The following GRM7 variants were observed in gnomAD, a reference collection of about 807,000 sequenced individuals.
The protein encoded by GRM7 is glutamate metabotropic receptor 7, also known as metabotropic glutamate receptor 7.
GRM7 carries 35 observed loss-of-function variants against 84.5 expected under a neutral mutation model. The observed-to-expected ratio is 0.41, with a 90% CI of 0.32 to 0.55. The LOEUF (loss-of-function observed/expected upper bound fraction) is 0.55, where lower values mean the gene tolerates loss of function less well. GRM7 is among the 20% of genes least tolerant of loss of function. The pLI, the probability that GRM7 is intolerant of heterozygous loss-of-function variation, is 0.19. For synonymous variants in GRM7, 487 were observed against 455.1 expected, an observed-to-expected ratio of 1.07 and a Z score of -0.89; for missense variants, 1,003 against 1,194.6, an observed-to-expected ratio of 0.84 and a Z score of 2.36.
intron 8 of GRM7, among the ~76,000 whole-genome samples, chr3:7,660,446 A>G (rs1396700597): frequency 6.6e-6 from 1 of 152,236 alleles, no homozygotes; most frequent in Non-Finnish European, 1.5e-5. Flanking sequence ...GAAACAACAA[A>G]ATATTATAGA....
rs189848304 is a variant in GRM7, at chr3:7,307,349, C to T, written c.1033+697C>T. Reference sequence around the variant, plus strand: ...AAGAAAAGTTGTTTCTAAAAGAAGACGCTGTGTAAAAGGAGCTTCTCTGCT... The same window carrying T: ...AAGAAAAGTTGTTTCTAAAAGAAGATGCTGTGTAAAAGGAGCTTCTCTGCT... On this transcript the variant is annotated intron_variant, in intron 4 of 9. Transcript: ENST00000357716. Among the ~76,000 whole-genome samples, 153 of 103,754 alleles carry T rather than the reference C, an allele frequency of 1.5e-3. 3 individuals carry two copies. Among genetic ancestry groups the T allele is most frequent in the African/African-American group, 4.3e-3 (145 of 33,448 alleles). The allele number at this position is 103,754 out of a possible 152,430, so 68.1% of individuals were successfully genotyped here.
intron 1 of GRM7, among the ~76,000 whole-genome samples, chr3:6,909,855 T>C (rs1218756590): frequency 6.6e-6 from 1 of 152,094 alleles, no homozygotes; most frequent in Admixed American, 6.6e-5. Context: ...TAAATTTTTA[T>C]GTAAAAATTT....
At chr3:7,423,979 A>G (rs1362096781) in intron 5 of GRM7, among the ~76,000 whole-genome samples, 1 of 152,138 alleles carries the variant, frequency 6.6e-6, no homozygotes, top group Non-Finnish European at 1.5e-5. Flanking sequence ...CACAATATTC[A>G]AGCTGCCTGC....
At chr3:7,577,287 C>T (rs2125051493) in intron 7 of GRM7, among the ~76,000 whole-genome samples, 1 of 152,228 alleles carries the variant, frequency 6.6e-6, no homozygotes, top group Non-Finnish European at 1.5e-5. Context: ...TCAGGGCACA[C>T]CTCAGATCCA....
chr3:7,113,558 A>G (rs1211340502), intron 1 of GRM7, among the ~76,000 whole-genome samples: 1 of 152,134 alleles, frequency 6.6e-6, no homozygotes, highest in Non-Finnish European at 1.5e-5. Context: ...ACAATGACAC[A>G]TCACCATCAC....
intron 7 of GRM7, among the ~76,000 whole-genome samples, chr3:7,488,745 T>C (rs190343063): frequency 6.6e-6 from 1 of 152,336 alleles, no homozygotes. Flanking sequence ...TATTACAACA[T>C]TAAGCTGACT....
rs540175871 is a variant in GRM7 at position 6,914,127 on chromosome 3, G to C, written c.519+52220G>C. ...GAAAATTCCTTCATGTTATTCACAG[G>C]ACTGAATCCTCCTTTGCCTTCAAGT... On this transcript the variant is annotated intron_variant, in intron 1 of 9. Coordinates refer to ENST00000357716, the MANE Select transcript of GRM7 (RefSeq NM_000844.4). Among the ~76,000 whole-genome samples the C allele has an allele frequency of 3.9e-4, 59 of 152,128 alleles. No individual in the cohort carries two copies. In the South Asian group the frequency reaches 0.01, roughly 27 times the overall value.
intron 8 of GRM7, among the ~76,000 whole-genome samples, chr3:7,595,828 A>G (rs1272435307): frequency 2.0e-5 from 3 of 152,154 alleles, no homozygotes; most frequent in Admixed American, 6.5e-5. Flanking sequence ...CAGGCAGGAA[A>G]GAGTCCAGGA....
At chr3:7,306,199 T>C (rs1434178273) in intron 3 of GRM7, among the ~76,000 whole-genome samples, 2 of 152,212 alleles carry the variant, frequency 1.3e-5, no homozygotes, top group Non-Finnish European at 2.9e-5. Flanking sequence ...CTTTGTCTAA[T>C]TTGCACTTCC....
At chr3:7,511,848 A>G (rs1700221608) in intron 7 of GRM7, among the ~76,000 whole-genome samples, 3 of 152,216 alleles carry the variant, frequency 2.0e-5, no homozygotes, top group Non-Finnish European at 4.4e-5. Flanking sequence ...AAAATTAAAA[A>G]TGACCATTTA....
At chr3:7,409,492 G>T (rs1165874113) in intron 4 of GRM7, among the ~76,000 whole-genome samples, 1 of 152,092 alleles carries the variant, frequency 6.6e-6, no homozygotes, top group African/African-American at 2.4e-5. Context: ...TCTCTAAGTG[G>T]TTATTGTTTG....
At chr3:7,189,885 C>T (rs533404458) in intron 2 of GRM7, among the ~76,000 whole-genome samples, 3 of 152,118 alleles carry the variant, frequency 2.0e-5, no homozygotes, top group South Asian at 2.1e-4. Context: ...AATGACTAAA[C>T]GTTGCCTCTT....
chr3:7,034,547 G>A (rs981637254), intron 1 of GRM7, among the ~76,000 whole-genome samples: 18 of 152,038 alleles, frequency 1.2e-4, no homozygotes, highest in Admixed American at 2.0e-4. Context: ...ATACATATAC[G>A]TACACACATA....
intron 8 of GRM7, among the ~76,000 whole-genome samples, chr3:7,581,259 A>G (rs1200317140): frequency 1.3e-5 from 2 of 152,170 alleles, no homozygotes; most frequent in Non-Finnish European, 2.9e-5. Flanking sequence ...CAGGAATTGA[A>G]TTCTAGTTGT....
At chr3:6,968,178 T>A (rs1047733071) in intron 1 of GRM7, among the ~76,000 whole-genome samples, 1 of 152,198 alleles carries the variant, frequency 6.6e-6, no homozygotes, top group Admixed American at 6.5e-5. Context: ...ATCTGTTTCA[T>A]GCATATCTCT....
At chr3:7,087,815 T>C (rs1164074681) in intron 1 of GRM7, among the ~76,000 whole-genome samples, 1 of 152,152 alleles carries the variant, frequency 6.6e-6, no homozygotes, top group Non-Finnish European at 1.5e-5. Flanking sequence ...ATCTCAAAGG[T>C]AGTGAGAATT....
At chr3:7,206,110 G>C (rs1012237585) in intron 2 of GRM7, among the ~76,000 whole-genome samples, 5 of 152,168 alleles carry the variant, frequency 3.3e-5, no homozygotes, top group Admixed American at 1.3e-4. Flanking sequence ...AATGCATTTG[G>C]TTCTATGTTC....
intron 2 of GRM7, among the ~76,000 whole-genome samples, chr3:7,294,154 G>A (rs1023965629): frequency 2.5e-4 from 38 of 152,224 alleles, no homozygotes; most frequent in Middle Eastern, 3.4e-3. Flanking sequence ...CCACACATCC[G>A]TTCCCCTAGT....
At chr3:7,446,464 GTT>G (rs370257829) in intron 5 of GRM7, among the ~76,000 whole-genome samples, 4 of 130,576 alleles carry the variant, frequency 3.1e-5, no homozygotes, top group East Asian at 4.8e-4. Context: ...TTTTTTTTTT[GTT>G]TTTTTTTTTT....
Sources: gnomAD v4.1 joint callset for allele counts (sites outside exome capture counted in the v4.1 genomes callset) on GRCh38, gnomAD v4.1.1 for gene constraint, MANE v1.5 for transcripts, NCBI Gene and HGNC (gene_info 2026-07-23, HGNC 2026-07-21) for gene names.